F8: variants seen among roughly 807,000 people sequenced by gnomAD.
F8 encodes antihemophilic factor.
A neutral mutation model predicts 140.6 loss-of-function variants in F8; 12 were observed. The observed-to-expected ratio is 0.09, with a 90% CI of 0.05 to 0.14. The LOEUF is 0.14. Ranked by LOEUF, F8 falls within the 10% of genes least tolerant of loss-of-function variation. The pLI, the probability that F8 is intolerant of heterozygous loss-of-function variation, is 1.00. For synonymous variants in F8, 585 were observed against 614.6 expected (o/e 0.95, Z 0.71); for missense variants, 1,354 against 1,720.7 (o/e 0.79, Z 3.77).
chrX:154,956,309 T>C (rs1409510866), intron 11 of F8, among the ~76,000 whole-genome samples: 1 of 111,787 alleles, frequency 8.9e-6, no homozygotes, highest in Non-Finnish European at 1.9e-5. Flanking sequence ...TGAGGCAACA[T>C]ACATCCTCAG....
intron 1 of F8, among the ~76,000 whole-genome samples, chrX:155,009,098 T>G (rs1261309102): frequency 9.1e-6 from 1 of 109,788 alleles, no homozygotes; most frequent in Non-Finnish European, 1.9e-5. Flanking sequence ...TTTTTTTTTT[T>G]TTGAGACGGA....
At chrX:154,897,739 T>C (rs1557275702) in intron 21 of F8, 1 of 112,199 alleles carries the variant, frequency 8.9e-6, no homozygotes, top group African/African-American at 3.2e-5. Context: ...AGTATAAGAG[T>C]TCTTTCTTGG....
At chrX:154,869,804 C>A (rs2072758687) in intron 22 of F8, among the ~76,000 whole-genome samples, 2 of 109,862 alleles carry the variant, frequency 1.8e-5, no homozygotes, top group South Asian at 4.1e-4. Flanking sequence ...TCTAGCCACA[C>A]TAATAAAGAG....
chrX:154,953,079 C>T (rs1048870860), intron 12 of F8, among the ~76,000 whole-genome samples: 1 of 111,444 alleles, frequency 9.0e-6, no homozygotes, highest in Admixed American at 9.5e-5. Context: ...TTCGCATTTC[C>T]CTGTAGGATA....
chrX:154,967,599 T>TAA (rs781984351), intron 7 of F8, among the ~76,000 whole-genome samples: 1 of 111,910 alleles, frequency 8.9e-6, no homozygotes, highest in Non-Finnish European at 1.9e-5. Context: ...TGAGGTTCAA[T>TAA]AAGATAAAGC....
At chrX:154,989,880 T>A (rs1303513845) in intron 4 of F8, among the ~76,000 whole-genome samples, 2 of 112,341 alleles carry the variant, frequency 1.8e-5, no homozygotes, top group African/African-American at 6.5e-5. Context: ...AATCAGTATT[T>A]TGCATGCAGA....
At chrX:154,935,313 C>G (rs187613770) in intron 13 of F8, among the ~76,000 whole-genome samples, 2 of 111,930 alleles carry the variant, frequency 1.8e-5, no homozygotes, top group East Asian at 5.6e-4. Context: ...GTAGAATTAG[C>G]TATAAGAATT....
chrX:154,964,936 T>C (rs7053448), intron 9 of F8, among the ~76,000 whole-genome samples: 16,629 of 111,285 alleles, frequency 0.15, 1,007 homozygotes, highest in Non-Finnish European at 0.17. Flanking sequence ...ATTTGAAAGA[T>C]AAATAACAAT....
chrX:154,961,552 T>C (rs1348669166), intron 9 of F8, among the ~76,000 whole-genome samples: 1 of 112,422 alleles, frequency 8.9e-6, no homozygotes, highest in Non-Finnish European at 1.9e-5. Flanking sequence ...TTTATTGTTG[T>C]ATTATTATCT....
chrX:154,911,157 C>T (rs782398237), intron 14 of F8, among the ~76,000 whole-genome samples: 5 of 108,643 alleles, frequency 4.6e-5, no homozygotes, highest in Non-Finnish European at 7.7e-5. Context: ...AGTGCCGGCG[C>T]GGGTCCTCCG....
At chrX:154,904,153 CA>C in intron 17 of F8, 65 bp from the exon 18 acceptor site, 2 of 1,150,319 alleles carry the variant, frequency 1.7e-6, no homozygotes, top group Non-Finnish European at 1.2e-6. Flanking sequence ...TCCACTCCAC[CA>C]AAAAAACTGA....
At chrX:154,964,132 C>G (rs1477809434) in intron 9 of F8, among the ~76,000 whole-genome samples, 1 of 111,523 alleles carries the variant, frequency 9.0e-6, no homozygotes, top group Admixed American at 9.6e-5. Flanking sequence ...TGCACTACTT[C>G]TGGAGGGGAG....
Position 154,999,565 on chromosome X carries a change from T to G in F8, c.179A>C (p.Asn60Thr), listed in dbSNP as rs2073636094. 3.3e-6 allele frequency: 4 copies of G among 1,208,560 alleles called. No homozygotes were observed. The highest frequency in any genetic ancestry group is 4.5e-6 in the Non-Finnish European group (4 of 893,317). ...AGTCTTTTTGTACACGACTGAGGTG[T>G]TGAATGGAAAAGATTTTGGCACTCT... ...PPRVPKSFPF[N>T]TSVVYKKTLF... Residue 60 changes from asparagine to threonine, a missense_variant, in exon 2 of 26, where the codon AAC (asparagine) becomes ACC (threonine). By Grantham distance (65) the Asn-to-Thr change is moderately conservative. Around this residue, in one of 4 missense-constraint regions of F8, gnomAD observed 128 missense variants for 230.4 expected, o/e 0.56. Transcript: ENST00000360256.
intron 13 of F8, among the ~76,000 whole-genome samples, chrX:154,945,307 GA>G (rs2073297295): frequency 9.0e-6 from 1 of 111,061 alleles, no homozygotes; most frequent in Non-Finnish European, 1.9e-5. Context: ...TACACAAAAA[GA>G]AACTACAGGC....
intron 6 of F8, among the ~76,000 whole-genome samples, chrX:154,975,563 GTC>G (rs1422561420): frequency 5.3e-5 from 6 of 112,340 alleles, no homozygotes; most frequent in African/African-American, 1.9e-4. Context: ...TTCCGTAAAT[GTC>G]TGTTTGCTCT....
At chrX:154,862,187 C>G (rs28739578) in intron 23 of F8, among the ~76,000 whole-genome samples, 1 of 110,089 alleles carries the variant, frequency 9.1e-6, no homozygotes, top group Non-Finnish European at 1.9e-5. Context: ...CCACCACACC[C>G]GGCTAATTTT....
At chrX:154,925,293 G>A (rs192769803) in intron 14 of F8, among the ~76,000 whole-genome samples, 34 of 112,082 alleles carry the variant, frequency 3.0e-4, no homozygotes, top group African/African-American at 9.7e-4. Flanking sequence ...GCGGGGGTGG[G>A]CCTTCATGTA....
intron 14 of F8, chrX:154,909,053 C>A: frequency 4.0e-6 from 1 of 252,163 alleles, no homozygotes; most frequent in South Asian, 5.1e-5. Context: ...TTTTCGCTGT[C>A]ACAAGCCATA....
intron 4 of F8, 71 bp downstream of exon 4, chrX:154,992,865 G>A: frequency 1.0e-6 from 1 of 1,000,985 alleles, no homozygotes; most frequent in East Asian, 3.0e-5. Context: ...AATGCTAACT[G>A]TTATAGATAG....
Sources: gnomAD v4.1 joint callset for allele counts (sites outside exome capture counted in the v4.1 genomes callset) on GRCh38, gnomAD v4.1.1 for gene constraint, gnomAD v4.1.1 regional missense constraint, MANE v1.5 for transcripts, NCBI Gene and HGNC (gene_info 2026-07-23, HGNC 2026-07-21) for gene names.